The following DPYD variants were observed in gnomAD, a reference collection of about 807,000 sequenced individuals.
DPYD encodes the protein dihydropyrimidine dehydrogenase [NADP(+)].
Under a neutral mutation model 116.2 loss-of-function variants are expected in DPYD, and 109 were observed. The ratio of observed to expected loss-of-function variants is 0.94; its 90% CI spans 0.80 to 1.10. The LOEUF (loss-of-function observed/expected upper bound fraction) is 1.10, where lower values mean the gene tolerates loss of function less well. DPYD is among the 50% of genes least tolerant of loss of function. DPYD has a pLI of 0.00. For synonymous variants in DPYD, 440 were observed against 432.0 expected, an observed-to-expected ratio of 1.02 and a Z score of -0.23; for missense variants, 1,302 against 1,254.5, an observed-to-expected ratio of 1.04 and a Z score of -0.57.
chr1:97,284,247 T>C lies in DPYD; in HGVS notation c.2299+21012A>G, dbSNP rs192944307. Among the ~76,000 whole-genome samples, 92 of 152,260 alleles carry C rather than the reference T, an allele frequency of 6.0e-4. 1 individual carries two copies. The highest frequency in any genetic ancestry group is 3.4e-3 in the Middle Eastern group (1 of 294). ...ATCTTTGTCTTGACTTTTATTTTAATGGAACTATTTTTAATAGTAAACTCA... is the reference window on the plus strand; with the variant it reads ...ATCTTTGTCTTGACTTTTATTTTAACGGAACTATTTTTAATAGTAAACTCA... On this transcript the variant is annotated intron_variant, in intron 18 of 22. Transcript: ENST00000370192.
chr1:97,867,517 T>C (rs1303427387), intron 2 of DPYD, among the ~76,000 whole-genome samples: 5 of 151,978 alleles, frequency 3.3e-5, no homozygotes, highest in East Asian at 1.9e-4. Flanking sequence ...AAAAGGACCA[T>C]TCACCATAAT....
intron 8 of DPYD, among the ~76,000 whole-genome samples, chr1:97,650,156 C>T (rs913460247): frequency 6.6e-6 from 1 of 152,016 alleles, no homozygotes; most frequent in African/African-American, 2.4e-5. Flanking sequence ...CCTTACATTT[C>T]TGCTTTTCAA....
chr1:97,221,484 T>A (rs1422849007), intron 19 of DPYD, among the ~76,000 whole-genome samples: 1 of 152,072 alleles, frequency 6.6e-6, no homozygotes, highest in Admixed American at 6.6e-5. Context: ...AATTAACATA[T>A]GGAAAAGGCT....
intron 18 of DPYD, among the ~76,000 whole-genome samples, chr1:97,253,072 CATATT>C (rs1663213475): frequency 6.6e-6 from 1 of 151,970 alleles, no homozygotes; most frequent in Non-Finnish European, 1.5e-5. Flanking sequence ...ACTAGAGAAA[CATATT>C]ATGATTGCCA....
At chr1:97,825,047 T>TTC (rs1669165757) in intron 3 of DPYD, among the ~76,000 whole-genome samples, 1 of 152,140 alleles carries the variant, frequency 6.6e-6, no homozygotes, top group African/African-American at 2.4e-5. Flanking sequence ...TCCTCTTTTT[T>TTC]TCTCTCTCTC....
intron 8 of DPYD, among the ~76,000 whole-genome samples, chr1:97,640,151 C>T (rs1399950976): frequency 6.6e-6 from 1 of 152,050 alleles, no homozygotes. Context: ...TAGTGACTTA[C>T]AGATTTAAAG....
At chr1:97,233,364 G>A (rs1038958483) in intron 19 of DPYD, among the ~76,000 whole-genome samples, 1 of 152,146 alleles carries the variant, frequency 6.6e-6, no homozygotes, top group African/African-American at 2.4e-5. Context: ...TACTGCAGAA[G>A]GGGGGAGGAC....
chr1:97,747,905 C>A (rs961430093), intron 3 of DPYD, among the ~76,000 whole-genome samples: 3 of 152,134 alleles, frequency 2.0e-5, no homozygotes, highest in African/African-American at 7.2e-5. Flanking sequence ...ATAACTTGTA[C>A]ATCAAATTGT....
rs981912738 is a variant in DPYD, at chr1:97,357,001, G to GT, written c.2058+16559dup. Among the ~76,000 whole-genome samples, 10 of 152,018 alleles carry GT rather than the reference G, an allele frequency of 6.6e-5. No homozygotes were observed. The East Asian group carries it at 7.7e-4, about 12-fold the overall frequency. On this transcript the variant is annotated intron_variant, in intron 16 of 22. Coordinates refer to ENST00000370192, the MANE Select transcript of DPYD (RefSeq NM_000110.4). ...GCTCGGACTGACTTGGCTATTCAGGGTTTTTTTGCAGTTCCATACACATTT... is the reference window on the plus strand; with the variant it reads ...GCTCGGACTGACTTGGCTATTCAGGGTTTTTTTTGCAGTTCCATACACATTT...
chr1:97,398,571 T>C (rs895705023), intron 14 of DPYD, among the ~76,000 whole-genome samples: 5 of 152,158 alleles, frequency 3.3e-5, no homozygotes, highest in Admixed American at 2.6e-4. Context: ...AACAGTGTAA[T>C]AGTGTTCCTG....
At chr1:97,432,967 A>G (rs1366661667) in intron 14 of DPYD, among the ~76,000 whole-genome samples, 1 of 152,136 alleles carries the variant, frequency 6.6e-6, no homozygotes, top group Non-Finnish European at 1.5e-5. Flanking sequence ...ACCAAGGGAT[A>G]TCTCTTGCTG....
intron 13 of DPYD, among the ~76,000 whole-genome samples, chr1:97,453,148 A>G (rs1676509356): frequency 6.6e-6 from 1 of 151,812 alleles, no homozygotes; most frequent in Non-Finnish European, 1.5e-5. Flanking sequence ...TACTGTGATG[A>G]CTCCCTGACA....
chr1:97,721,782 GT>G, intron 4 of DPYD, 111 bp from the exon 5 acceptor site: 1 of 1,051,260 alleles, frequency 9.5e-7, no homozygotes, highest in Non-Finnish European at 1.4e-6. Flanking sequence ...AGATAATGAT[GT>G]GTATAAGATG....
At chr1:97,397,030 T>G (rs1673047035) in intron 14 of DPYD, among the ~76,000 whole-genome samples, 1 of 152,108 alleles carries the variant, frequency 6.6e-6, no homozygotes, top group Admixed American at 6.6e-5. Context: ...AACATGCTAA[T>G]TATTATCCAC....
intron 20 of DPYD, among the ~76,000 whole-genome samples, chr1:97,102,473 A>ATCTATCTATCTG (rs1650797443): frequency 1.0e-5 from 1 of 95,604 alleles, no homozygotes; most frequent in Non-Finnish European, 2.0e-5. Flanking sequence ...CTATCTATCT[A>ATCTATCTATCTG]TCTATCTATC....
At chr1:97,733,446 T>G (rs1308663563) in intron 4 of DPYD, among the ~76,000 whole-genome samples, 2 of 152,004 alleles carry the variant, frequency 1.3e-5, no homozygotes, top group Non-Finnish European at 2.9e-5. Flanking sequence ...AGATTAAATT[T>G]TTTTCTAAAA....
chr1:97,432,841 A>G (rs1553174711), intron 14 of DPYD, among the ~76,000 whole-genome samples: 1 of 152,090 alleles, frequency 6.6e-6, no homozygotes, highest in Non-Finnish European at 1.5e-5. Context: ...TCGGTTCTTC[A>G]TTGCCTTCAA....
chr1:97,618,378 T>C (rs890527434), intron 8 of DPYD, among the ~76,000 whole-genome samples: 2 of 45,862 alleles, frequency 4.4e-5, no homozygotes, highest in Non-Finnish European at 5.7e-5. Context: ...ATTTTTTTTC[T>C]TTTTTTTTTT....
intron 11 of DPYD, among the ~76,000 whole-genome samples, chr1:97,566,617 ATT>A (rs1652538139): frequency 6.6e-6 from 1 of 152,132 alleles, no homozygotes; most frequent in East Asian, 1.9e-4. Context: ...CATTGTAAAT[ATT>A]TGTTTATTAA....
Sources: allele counts gnomAD v4.1 joint callset (sites outside exome capture counted in the v4.1 genomes callset), GRCh38; gene constraint gnomAD v4.1.1; transcripts MANE v1.5; gene names NCBI Gene and HGNC (gene_info 2026-07-23, HGNC 2026-07-21).